Variants in CDK13 observed in about 807,000 individuals in gnomAD.
CDK13 encodes cyclin-dependent kinase 13.
A neutral mutation model predicts 137.6 loss-of-function variants in CDK13; 40 were observed. The observed-to-expected ratio is 0.29, with a 90% confidence interval of 0.23 to 0.38. The LOEUF (loss-of-function observed/expected upper bound fraction) is 0.38. Ranked by LOEUF, CDK13 falls within the 10% of genes least tolerant of loss-of-function variation. CDK13 has a pLI of 1.00. For missense variants in CDK13, 1,704 were observed against 1,951.8 expected, an observed-to-expected ratio of 0.87 and a Z score of 2.39; for synonymous variants, 869 against 760.1, an observed-to-expected ratio of 1.14 and a Z score of -2.36.
chr7:40,055,946 C>T (rs1584046916), intron 7 of CDK13, among the ~76,000 whole-genome samples: 1 of 152,128 alleles, frequency 6.6e-6, no homozygotes, highest in African/African-American at 2.4e-5. Flanking sequence ...CTTTAATTTT[C>T]CTGGGCTTTA....
At position 39,951,367 on chromosome 7, in the gene CDK13, G is replaced by A. The variant is rs1446701393; in HGVS notation, c.726G>A (p.Arg242=). Residue 242 remains arginine, a synonymous_variant, in exon 1 of 14, where the codon CGG becomes CGA. Transcript: ENST00000181839. The part of the protein sequence containing the change: ...RSRHSHSGEE[R]AEVAKSGSSS... ...GCCACAGCCACAGCGGCGAGGAACG[G>A]GCCGAGGTCGCCAAGAGCGGCAGCA... 41 of 1,513,246 alleles carry A rather than the reference G, an allele frequency of 2.7e-5. No homozygotes were observed. The highest frequency in any genetic ancestry group is 3.3e-5 in the Non-Finnish European group (38 of 1,136,150). 93.7% of individuals were successfully genotyped at this position (1,513,246 alleles called of 1,614,324 possible).
At chr7:39,969,414 C>G (rs1783946479) in intron 1 of CDK13, among the ~76,000 whole-genome samples, 1 of 152,194 alleles carries the variant, frequency 6.6e-6, no homozygotes, top group Non-Finnish European at 1.5e-5. Flanking sequence ...CTTATTACAT[C>G]CAGTTTACCC....
chr7:40,061,641 A>G (rs1360114685), intron 7 of CDK13: 1 of 152,200 alleles, frequency 6.6e-6, no homozygotes, highest in Non-Finnish European at 1.5e-5. Context: ...TGATTTGGAA[A>G]ACATCTGGAT....
At chr7:40,021,596 C>CT (rs1029044907) in intron 5 of CDK13, among the ~76,000 whole-genome samples, 1 of 152,048 alleles carries the variant, frequency 6.6e-6, no homozygotes, top group Admixed American at 6.6e-5. Flanking sequence ...AACCAACATA[C>CT]TTTTTTTTGA....
At chr7:39,965,961 C>T (rs1445231906) in intron 1 of CDK13, among the ~76,000 whole-genome samples, 1 of 152,212 alleles carries the variant, frequency 6.6e-6, no homozygotes, top group Non-Finnish European at 1.5e-5. Context: ...TCTCTTCTGG[C>T]TTGTAGAGTA....
chr7:40,028,299 A>G (rs560524549), intron 5 of CDK13, among the ~76,000 whole-genome samples: 8 of 151,404 alleles, frequency 5.3e-5, no homozygotes, highest in Middle Eastern at 6.8e-3. Flanking sequence ...GCTCACTACA[A>G]GCTCCGCCTC....
intron 2 of CDK13, among the ~76,000 whole-genome samples, chr7:39,990,554 GAAAT>G (rs1182643421): frequency 6.6e-6 from 1 of 152,162 alleles, no homozygotes; most frequent in African/African-American, 2.4e-5. Flanking sequence ...ATTACTTTTG[GAAAT>G]AAATGGGCGC....
At chr7:40,021,654 A>C (rs1414090871) in intron 5 of CDK13, among the ~76,000 whole-genome samples, 1 of 152,194 alleles carries the variant, frequency 6.6e-6, no homozygotes, top group Non-Finnish European at 1.5e-5. Context: ...GTTTTATTTA[A>C]TTAAAATATA....
At chr7:39,971,097 T>A (rs1249270358) in intron 1 of CDK13, among the ~76,000 whole-genome samples, 1 of 152,236 alleles carries the variant, frequency 6.6e-6, no homozygotes, top group Non-Finnish European at 1.5e-5. Context: ...ATATTTTGGT[T>A]TTGCTTCAAC....
At chr7:40,047,036 T>C (rs111633063) in intron 6 of CDK13, among the ~76,000 whole-genome samples, 12 of 117,628 alleles carry the variant, frequency 1.0e-4, no homozygotes, top group African/African-American at 3.1e-4. Context: ...AAAAAAAAAA[T>C]CTAATAATAG....
intron 11 of CDK13, among the ~76,000 whole-genome samples, chr7:40,082,087 A>G (rs1371759581): frequency 6.6e-6 from 1 of 152,224 alleles, no homozygotes; most frequent in South Asian, 2.1e-4. Flanking sequence ...TTTTAGTTCT[A>G]TAAGTATGCT....
intron 5 of CDK13, among the ~76,000 whole-genome samples, chr7:40,008,124 T>C (rs1408344439): frequency 1.3e-5 from 2 of 152,234 alleles, no homozygotes; most frequent in African/African-American, 2.4e-5. Context: ...GAAAGCAACA[T>C]TGATTTGTTC....
rs1043201498 is a variant in CDK13 at position 40,096,994 on chromosome 7, A to T, written c.*2014A>T. 6.6e-6 allele frequency: 1 copy of T among 152,152 alleles called. No homozygotes were observed. The highest frequency in any genetic ancestry group is 1.5e-5 in the Non-Finnish European group (1 of 67,972). The allele number at this position is 152,152 out of a possible 1,614,324, so 9.4% of individuals were successfully genotyped here. ...GAGTCTTAGAGCTTTAGACTTTCCTATAAGTGACAGTATCTAAGTTATTCT... is the reference window on the plus strand; with the variant it reads ...GAGTCTTAGAGCTTTAGACTTTCCTTTAAGTGACAGTATCTAAGTTATTCT... On this transcript the variant is annotated 3_prime_UTR_variant, in exon 14 of 14. Transcript: ENST00000181839.
At position 39,951,601 on chromosome 7, in the gene CDK13, A is replaced by C. The variant is rs1787210056; in HGVS notation, c.960A>C (p.Gly320=). The change falls in exon 1 of 14, where the codon GGA becomes GGC. Residue 320 remains glycine (G), a synonymous_variant. Coordinates refer to ENST00000181839, the MANE Select transcript of CDK13 (RefSeq NM_003718.5). ...GGCGGCGGTCCCTCAGCCCACTGGG[A>C]GGCCGGGACGACAGCCCGGTGTCCC... is the stretch of plus-strand genomic sequence containing the variant. ...YRRRRSLSPL[G]GRDDSPVSHR... 1.3e-6 allele frequency: 2 copies of C among 1,484,982 alleles called. No individual in the cohort carries two copies. Among genetic ancestry groups the C allele is most frequent in the African/African-American group, 1.5e-5 (1 of 68,890 alleles). The allele number at this position is 1,484,982 out of a possible 1,614,324, so 92.0% of individuals were successfully genotyped here. A position where few individuals can be genotyped will look rare whatever the true frequency, so the allele number is the denominator to read the frequency against.
At chr7:40,005,419 A>G (rs1236300413) in intron 5 of CDK13, among the ~76,000 whole-genome samples, 3 of 151,560 alleles carry the variant, frequency 2.0e-5, no homozygotes, top group African/African-American at 7.3e-5. Context: ...CCTTCCAAGT[A>G]GCCAGCATTA....
At chr7:40,008,699 A>G (rs1371724878) in intron 5 of CDK13, among the ~76,000 whole-genome samples, 1 of 152,168 alleles carries the variant, frequency 6.6e-6, no homozygotes, top group Admixed American at 6.5e-5. Context: ...CCTCCTAAAA[A>G]GAGAAATGAA....
At position 40,034,202 on chromosome 7, in the gene CDK13, T is replaced by A. The variant is rs539171043; in HGVS notation, c.2354-11634T>A. ...TTCACACTGAACCTCCAGCTTGGTT[T>A]AGGCTTTCCTACCTTGGTAATGGTT... On this transcript the variant is annotated intron_variant, in intron 5 of 13. Transcript: ENST00000181839. 2.4e-3 allele frequency among the ~76,000 whole-genome samples: 368 copies of A among 152,294 alleles called. 1 individual carries two copies. The highest frequency in any genetic ancestry group is 4.7e-3 in the Non-Finnish European group (321 of 68,020).
At chr7:39,960,400 C>T (rs753371139) in intron 1 of CDK13, among the ~76,000 whole-genome samples, 3 of 151,854 alleles carry the variant, frequency 2.0e-5, no homozygotes, top group South Asian at 2.1e-4. Flanking sequence ...GGACTACAGG[C>T]GCCCGTCACC....
At chr7:39,988,847 C>T (rs556876712) in intron 2 of CDK13, among the ~76,000 whole-genome samples, 21 of 151,852 alleles carry the variant, frequency 1.4e-4, no homozygotes, top group Non-Finnish European at 2.7e-4. Flanking sequence ...TTTGGGAGGC[C>T]GAGGCGGGTG....
Sources: gnomAD v4.1 joint callset for allele counts (sites outside exome capture counted in the v4.1 genomes callset) on GRCh38, gnomAD v4.1.1 for gene constraint, MANE v1.5 for transcripts, NCBI Gene and HGNC (gene_info 2026-07-23, HGNC 2026-07-21) for gene names.